Variants in KCNJ15 observed in about 807,000 individuals in gnomAD.
KCNJ15 encodes the protein ATP-sensitive inward rectifier potassium channel 15.
Under a neutral mutation model 23.0 loss-of-function variants are expected in KCNJ15, and 14 were observed. The ratio of observed to expected loss-of-function variants is 0.61; its 90% CI spans 0.40 to 0.95. KCNJ15 has a LOEUF of 0.95. Ranked by LOEUF, KCNJ15 falls within the 40% of genes least tolerant of loss-of-function variation. The pLI is 0.00. For missense variants in KCNJ15, 388 were observed against 461.8 expected (o/e 0.84, Z 1.46); for synonymous variants, 185 against 183.2 (o/e 1.01, Z -0.08).
intron 1 of KCNJ15, among the ~76,000 whole-genome samples, chr21:38,272,820 A>T (rs1307082485): frequency 6.6e-6 from 1 of 152,188 alleles, no homozygotes; most frequent in Non-Finnish European, 1.5e-5. Context: ...GCAAATAAAA[A>T]TATATTAACC....
chr21:38,277,171 C>T (rs1041721), intron 1 of KCNJ15, among the ~76,000 whole-genome samples: 101,362 of 151,996 alleles, frequency 0.67, 34,316 homozygotes, highest in Non-Finnish European at 0.73. Context: ...AATTAAGACT[C>T]GGCATCTTTG....
At chr21:38,259,712 T>G (rs1470422216) in intron 1 of KCNJ15, among the ~76,000 whole-genome samples, 1 of 151,900 alleles carries the variant, frequency 6.6e-6, no homozygotes, top group Non-Finnish European at 1.5e-5. Context: ...ACCTCAGGAG[T>G]GGGGCTTTTG....
At chr21:38,233,373 A>C (rs1978399184) in intron 1 of KCNJ15, among the ~76,000 whole-genome samples, 1 of 151,996 alleles carries the variant, frequency 6.6e-6, no homozygotes, top group South Asian at 2.1e-4. Context: ...TTTTTTATCC[A>C]ATTTAACAAC....
At chr21:38,231,868 G>T (rs1379614762) in intron 1 of KCNJ15, among the ~76,000 whole-genome samples, 1 of 151,668 alleles carries the variant, frequency 6.6e-6, no homozygotes, top group African/African-American at 2.4e-5. Flanking sequence ...TATTTAATTT[G>T]CTTGTATTTT....
chr21:38,253,923 A>T (rs1980012419), upstream of KCNJ15, among the ~76,000 whole-genome samples: 1 of 152,166 alleles, frequency 6.6e-6, no homozygotes, highest in South Asian at 2.1e-4. Flanking sequence ...ATAGTCATTT[A>T]TATTTGTTTT....
At chr21:38,294,013 G>A (rs145935929) in intron 1 of KCNJ15, among the ~76,000 whole-genome samples, 2 of 152,264 alleles carry the variant, frequency 1.3e-5, no homozygotes, top group East Asian at 1.9e-4. Flanking sequence ...CATGGTGCAT[G>A]TGCTCCTGTG....
At position 38,299,558 on chromosome 21, in the gene KCNJ15, G is replaced by A. The variant is rs145644150; in HGVS notation, c.297G>A (p.Glu99=). ...TTCATGGGGACTTAGAACCCGGTGA[G>A]CCCATTTCAAATCATACCCCCTGCA... ...AFIHGDLEPG[E]PISNHTPCIM... Residue 99 remains glutamate, a synonymous_variant, in exon 3 of 3, where the codon GAG becomes GAA. Coordinates refer to ENST00000398938, the MANE Select transcript of KCNJ15 (RefSeq NM_170736.3). This position sits in a 1 kb window ranked among gnomAD's most constrained non-coding sequence, Gnocchi z 4.5. The A allele has an allele frequency of 1.2e-6, 2 of 1,613,980 alleles. No homozygotes were observed. The highest frequency in any genetic ancestry group is 1.7e-5 in the Admixed American group (1 of 59,998).
At chr21:38,275,446 G>A (rs377036505) in intron 1 of KCNJ15, among the ~76,000 whole-genome samples, 12 of 149,586 alleles carry the variant, frequency 8.0e-5, no homozygotes, top group African/African-American at 2.2e-4. Flanking sequence ...TGCTTGAACC[G>A]GGGAGGCAGA....
At chr21:38,297,785 A>G (rs1172108124) in intron 2 of KCNJ15, among the ~76,000 whole-genome samples, 2 of 152,246 alleles carry the variant, frequency 1.3e-5, no homozygotes, top group Admixed American at 6.5e-5. Flanking sequence ...CTTTTCAACA[A>G]AAATGAAAAC....
At chr21:38,245,846 G>A (rs961137486) in intron 1 of KCNJ15, among the ~76,000 whole-genome samples, 2 of 152,136 alleles carry the variant, frequency 1.3e-5, no homozygotes, top group Non-Finnish European at 2.9e-5. Context: ...TGAACCATTA[G>A]TTCAGCCCAG....
chr21:38,283,573 A>G (rs1014525308), intron 1 of KCNJ15, among the ~76,000 whole-genome samples: 1 of 152,334 alleles, frequency 6.6e-6, no homozygotes, highest in South Asian at 2.1e-4. Context: ...ATTGCTTCTA[A>G]TGTTTTAATA....
intron 1 of KCNJ15, among the ~76,000 whole-genome samples, chr21:38,275,519 C>CAAAAAAAAAAAAA (rs10709944): frequency 1.1e-5 from 1 of 88,090 alleles, no homozygotes; most frequent in Non-Finnish European, 2.1e-5. Flanking sequence ...GAAACTCCGT[C>CAAAAAAAAAAAAA]AAAAAAAAAA....
intron 1 of KCNJ15, among the ~76,000 whole-genome samples, chr21:38,280,522 T>C (rs970989845): frequency 6.6e-6 from 1 of 152,176 alleles, no homozygotes; most frequent in South Asian, 2.1e-4. Flanking sequence ...AGTGAGAATA[T>C]AAGCGACGCC....
At chr21:38,298,491 T>A (rs1015395543) in intron 2 of KCNJ15, among the ~76,000 whole-genome samples, 1 of 152,236 alleles carries the variant, frequency 6.6e-6, no homozygotes, top group Non-Finnish European at 1.5e-5. Context: ...TAAAGCCTAA[T>A]TATTTGCTTT....
intron 1 of KCNJ15, among the ~76,000 whole-genome samples, chr21:38,284,717 T>C (rs1293850879): frequency 6.6e-6 from 1 of 152,206 alleles, no homozygotes; most frequent in Non-Finnish European, 1.5e-5. Context: ...CAAAGCCACA[T>C]GCAGGGGCAT....
At chr21:38,238,550 T>C (rs1015631899) in intron 1 of KCNJ15, 2 of 636,578 alleles carry the variant, frequency 3.1e-6, no homozygotes, top group African/African-American at 3.6e-5. Flanking sequence ...ACATGGTGCA[T>C]GTGCTGGGAG....
intron 1 of KCNJ15, among the ~76,000 whole-genome samples, chr21:38,280,203 C>A (rs1742928451): frequency 6.6e-6 from 1 of 151,770 alleles, no homozygotes; most frequent in African/African-American, 2.4e-5. Context: ...AGGATGAACA[C>A]CAGTTACACA....
In KCNJ15 at chr21:38,305,667, T is replaced by A. The variant is rs2836301; in HGVS notation, c.*5278T>A. ...CTTAAATGTCTTACATGCAACCTTTTTTTCCCCATATATTACAAAATTGCC... is the reference window on the plus strand; with the variant it reads ...CTTAAATGTCTTACATGCAACCTTTATTTCCCCATATATTACAAAATTGCC... On this transcript the variant is annotated 3_prime_UTR_variant, in exon 3 of 3. Coordinates refer to ENST00000398938, the MANE Select transcript of KCNJ15 (RefSeq NM_170736.3). 1.3e-5 allele frequency: 2 copies of A among 152,054 alleles called. No individual in the cohort carries two copies. Among genetic ancestry groups the A allele is most frequent in the Admixed American group, 1.3e-4 (2 of 15,270 alleles). The allele number at this position is 152,054 out of a possible 1,614,324, so 9.4% of individuals were successfully genotyped here. A position where few individuals can be genotyped will look rare whatever the true frequency, so the allele number is the denominator to read the frequency against.
At chr21:38,295,370 A>G (rs1169869025) in intron 1 of KCNJ15, among the ~76,000 whole-genome samples, 1 of 152,214 alleles carries the variant, frequency 6.6e-6, no homozygotes. Flanking sequence ...TGATGAATCC[A>G]ATTTTTCCGA....
Sources: allele counts gnomAD v4.1 joint callset (sites outside exome capture counted in the v4.1 genomes callset), GRCh38; gene constraint gnomAD v4.1.1; non-coding constraint Gnocchi (gnomAD v3.1); transcripts MANE v1.5; gene names NCBI Gene and HGNC (gene_info 2026-07-23, HGNC 2026-07-21).